The following ADCYAP1R1 variants were observed in gnomAD, a reference collection of about 807,000 sequenced individuals.
ADCYAP1R1 encodes pituitary adenylate cyclase-activating polypeptide type I receptor.
ADCYAP1R1 carries 44 observed loss-of-function variants against 67.6 expected under a neutral mutation model. The ratio of observed to expected loss-of-function variants is 0.65; its 90% CI spans 0.51 to 0.84. ADCYAP1R1 has a LOEUF of 0.84. ADCYAP1R1 is among the 40% of genes least tolerant of loss of function. ADCYAP1R1 has a pLI of 0.00. For synonymous variants in ADCYAP1R1, 222 were observed against 219.6 expected (o/e 1.01, Z -0.10); for missense variants, 477 against 587.9 (o/e 0.81, Z 1.95).
intron 6 of ADCYAP1R1, among the ~76,000 whole-genome samples, chr7:31,082,518 G>T (rs1795555880): frequency 6.6e-6 from 1 of 152,222 alleles, no homozygotes. Context: ...GTTTTTCAAA[G>T]CAGCTTCCCT....
intron 1 of ADCYAP1R1, among the ~76,000 whole-genome samples, chr7:31,061,594 C>G (rs565311173): frequency 6.6e-6 from 1 of 152,200 alleles, no homozygotes; most frequent in African/African-American, 2.4e-5. Context: ...CCAGGCTTCT[C>G]GGAGCATCTC....
chr7:31,100,247 T>C (rs1034010804), intron 13 of ADCYAP1R1: 4 of 1,542,886 alleles, frequency 2.6e-6, no homozygotes, highest in Non-Finnish European at 3.5e-6. Flanking sequence ...CCGGGAATCC[T>C]GGAGGGGTGG....
intron 3 of ADCYAP1R1, 94 bp downstream of exon 3, chr7:31,065,030 A>T: frequency 1.1e-6 from 1 of 932,390 alleles, no homozygotes; most frequent in Non-Finnish European, 1.6e-6. Flanking sequence ...TGGTCAAGGT[A>T]TGGGTTTCTG....
At chr7:31,053,721 C>T (rs189988802) in intron 1 of ADCYAP1R1, among the ~76,000 whole-genome samples, 1 of 152,360 alleles carries the variant, frequency 6.6e-6, no homozygotes, top group Non-Finnish European at 1.5e-5. Context: ...TTACAATGTC[C>T]CGCAAAGCCC....
At chr7:31,099,375 G>A (rs1464355670) in intron 13 of ADCYAP1R1, among the ~76,000 whole-genome samples, 1 of 152,226 alleles carries the variant, frequency 6.6e-6, no homozygotes, top group African/African-American at 2.4e-5. Flanking sequence ...GCTCCATGTG[G>A]CTGTTGAGCC....
chr7:31,071,179 TCACCA>T (rs1390516021), intron 3 of ADCYAP1R1, among the ~76,000 whole-genome samples: 2 of 152,212 alleles, frequency 1.3e-5, no homozygotes, highest in African/African-American at 4.8e-5. Flanking sequence ...GACAAAATCA[TCACCA>T]TGACAACCCA....
Position 31,107,122 on chromosome 7 carries a change from A to G in ADCYAP1R1, c.*438A>G, listed in dbSNP as rs1265587248. 6.2e-6 allele frequency: 1 copy of G among 160,722 alleles called. No individual in the cohort carries two copies. Among genetic ancestry groups the G allele is most frequent in the Non-Finnish European group, 1.3e-5 (1 of 74,330 alleles). 10.0% of individuals were successfully genotyped at this position (160,722 alleles called of 1,614,324 possible). On this transcript the variant is annotated 3_prime_UTR_variant, in exon 16 of 16. Transcript: ENST00000304166. ...GTACCTGCCCCAACAGCCCCCCATC[A>G]TCTGATTTTGGGTGTGACCCCTCGA...
intron 4 of ADCYAP1R1, among the ~76,000 whole-genome samples, chr7:31,078,866 G>C (rs1460982125): frequency 6.6e-6 from 1 of 152,228 alleles, no homozygotes; most frequent in Non-Finnish European, 1.5e-5. Context: ...AGGCGCGGGT[G>C]TGCGATGGCG....
chr7:31,097,515 C>T (rs1468116828), intron 13 of ADCYAP1R1, among the ~76,000 whole-genome samples: 1 of 152,164 alleles, frequency 6.6e-6, no homozygotes, highest in Non-Finnish European at 1.5e-5. Context: ...CCTTCAAGAG[C>T]CCTCCAGGGC....
chr7:31,094,619 A>G (rs79075258), intron 13 of ADCYAP1R1, among the ~76,000 whole-genome samples: 3,451 of 152,088 alleles, frequency 0.023, 109 homozygotes, highest in African/African-American at 0.079. Flanking sequence ...AGGATACCCT[A>G]CTGAACCCTG....
At chr7:31,063,152 T>C in intron 1 of ADCYAP1R1, 42 bp from the exon 2 acceptor site, 1 of 1,337,298 alleles carries the variant, frequency 7.5e-7, no homozygotes, top group Non-Finnish European at 1.1e-6. Context: ...CCCCGGCCAC[T>C]GCACTGGGCT....
intron 1 of ADCYAP1R1, among the ~76,000 whole-genome samples, chr7:31,055,641 C>T (rs1449558836): frequency 1.3e-5 from 2 of 152,194 alleles, no homozygotes; most frequent in Admixed American, 6.5e-5. Flanking sequence ...ATTCCTGGCT[C>T]ACTGGCCGTA....
chr7:31,072,541 C>T (rs922186716), intron 3 of ADCYAP1R1, among the ~76,000 whole-genome samples: 1 of 152,036 alleles, frequency 6.6e-6, no homozygotes, highest in Non-Finnish European at 1.5e-5. Flanking sequence ...GCCATTGCTC[C>T]AAATCAAGCT....
At chr7:31,066,048 C>T (rs938006915) in intron 3 of ADCYAP1R1, among the ~76,000 whole-genome samples, 4 of 143,432 alleles carry the variant, frequency 2.8e-5, no homozygotes, top group Admixed American at 7.1e-5. Flanking sequence ...AACGTGGATT[C>T]GGGGCCCCAC....
chr7:31,089,866 T>G (rs1795895262), intron 12 of ADCYAP1R1, among the ~76,000 whole-genome samples: 1 of 152,174 alleles, frequency 6.6e-6, no homozygotes. Flanking sequence ...ATCTGTTTAT[T>G]CTTTTACTGT....
At chr7:31,099,176 G>A (rs1340627523) in intron 13 of ADCYAP1R1, among the ~76,000 whole-genome samples, 1 of 152,200 alleles carries the variant, frequency 6.6e-6, no homozygotes, top group Non-Finnish European at 1.5e-5. Context: ...TGAGACTGCA[G>A]CCTGGGCCCC....
rs1796676108 is a variant in ADCYAP1R1, at chr7:31,106,995, T to C, written c.*311T>C. Reference sequence around the variant, plus strand: ...TGCTCACTTCCAGTCAGGTCTCAGCTCCACCCCACTGTTTCTTGGTCAGCC... The same window carrying C: ...TGCTCACTTCCAGTCAGGTCTCAGCCCCACCCCACTGTTTCTTGGTCAGCC... On this transcript the variant is annotated 3_prime_UTR_variant, in exon 16 of 16. Coordinates refer to ENST00000304166, the MANE Select transcript of ADCYAP1R1 (RefSeq NM_001118.5). 3.1e-6 allele frequency: 1 copy of C among 320,570 alleles called. No individual in the cohort carries two copies. Among genetic ancestry groups the C allele is most frequent in the Non-Finnish European group, 5.7e-6 (1 of 176,656 alleles). 19.9% of individuals were successfully genotyped at this position (320,570 alleles called of 1,614,324 possible).
intron 13 of ADCYAP1R1, among the ~76,000 whole-genome samples, chr7:31,098,542 T>C (rs1311837607): frequency 6.6e-6 from 1 of 152,132 alleles, no homozygotes; most frequent in East Asian, 1.9e-4. Context: ...GTGTTGATGG[T>C]CTGGGGACTG....
At chr7:31,071,421 C>T (rs1020184911) in intron 3 of ADCYAP1R1, among the ~76,000 whole-genome samples, 1 of 152,132 alleles carries the variant, frequency 6.6e-6, no homozygotes, top group African/African-American at 2.4e-5. Context: ...GGGGCCTATA[C>T]ACAGATGGAG....
Sources: allele counts gnomAD v4.1 joint callset (sites outside exome capture counted in the v4.1 genomes callset), GRCh38; gene constraint gnomAD v4.1.1; transcripts MANE v1.5; gene names NCBI Gene and HGNC (gene_info 2026-07-23, HGNC 2026-07-21).